The following XDH variants were observed in gnomAD, a reference collection of about 807,000 sequenced individuals.
XDH encodes the protein xanthine dehydrogenase.
XDH carries 138 observed loss-of-function variants against 156.1 expected under a neutral mutation model. The ratio of observed to expected loss-of-function variants is 0.88; its 90% CI spans 0.77 to 1.02. The LOEUF (loss-of-function observed/expected upper bound fraction) is 1.02, where lower values mean the gene tolerates loss of function less well. Ranked by LOEUF, XDH falls within the 50% of genes least tolerant of loss-of-function variation. XDH has a pLI of 0.00. For synonymous variants in XDH, 669 were observed against 625.7 expected, an observed-to-expected ratio of 1.07 and a Z score of -1.03; for missense variants, 1,849 against 1,684.9, an observed-to-expected ratio of 1.10 and a Z score of -1.71.
In XDH at chr2:31,405,927, A is replaced by G; in HGVS notation, c.80T>C (p.Leu27Ser). 1 of 1,614,186 alleles carries G rather than the reference A, an allele frequency of 6.2e-7. No individual in the cohort carries two copies. Among genetic ancestry groups the G allele is most frequent in the East Asian group, 2.2e-5 (1 of 44,886 alleles). ...GATACACTTTCTTCTCAGGTAGGCC[A>G]AAAGGGTTGTCTCTGGATCTGCATT... ...EKNADPETTL[L>S]AYLRRKLGLS... The change falls in exon 2 of 36, where the codon TTG (leucine) becomes TCG (serine). Residue 27 changes from leucine to serine, a missense_variant. By Grantham distance (145) the Leu-to-Ser change is moderately radical (BLOSUM62 -2). Transcript: ENST00000379416.
intron 15 of XDH, among the ~76,000 whole-genome samples, chr2:31,374,577 G>GT (rs1215018576): frequency 6.6e-6 from 1 of 152,166 alleles, no homozygotes; most frequent in Non-Finnish European, 1.5e-5. Flanking sequence ...CTTGGCAGTG[G>GT]TTTTCTCTGG....
intron 13 of XDH, among the ~76,000 whole-genome samples, chr2:31,378,391 T>C (rs917102108): frequency 2.0e-5 from 3 of 152,142 alleles, no homozygotes; most frequent in Non-Finnish European, 2.9e-5. Context: ...TTGAGGTCTG[T>C]ACTCACTCTG....
At chr2:31,378,111 G>A (rs6706829) in intron 13 of XDH, among the ~76,000 whole-genome samples, 6,462 of 38,744 alleles carry the variant, frequency 0.17, 284 homozygotes, top group Middle Eastern at 0.24. Flanking sequence ...AGAAAGAAAG[G>A]AAGGAAGGAA....
At chr2:31,399,516 T>A (rs554590803) in intron 4 of XDH, among the ~76,000 whole-genome samples, 1 of 152,314 alleles carries the variant, frequency 6.6e-6, no homozygotes, top group African/African-American at 2.4e-5. Context: ...TGATTAGGAA[T>A]AAGAACCTGT....
intron 7 of XDH, 107 bp downstream of exon 7, chr2:31,388,120 G>A (rs780739135): frequency 5.3e-5 from 70 of 1,312,234 alleles, no homozygotes; most frequent in East Asian, 1.4e-4. Flanking sequence ...CCGACTCACC[G>A]TAGGTTCCTC....
In XDH at chr2:31,368,022, C is replaced by T. The variant is rs1455092140; in HGVS notation, c.2136G>A (p.Glu712=). The change falls in exon 20 of 36, where the codon GAG becomes GAA. Residue 712 remains glutamate, a synonymous_variant. Transcript: ENST00000379416. ...AIKNNSFYGP[E]LKIEKGDLKK... is the part of the protein sequence containing the mutation. ...TTAGGTCCCCTTTCTCGATCTTCAG[C>T]TCAGGTCCATAAAAGGAGTTGTTCT... The T allele has an allele frequency of 1.2e-6, 2 of 1,614,148 alleles. No homozygotes were observed. The highest frequency in any genetic ancestry group is 1.7e-5 in the Admixed American group (1 of 60,014).
chr2:31,411,520 C>T (rs1687342705), intron 1 of XDH, among the ~76,000 whole-genome samples: 1 of 152,070 alleles, frequency 6.6e-6, no homozygotes, highest in African/African-American at 2.4e-5. Context: ...AAAACATTAA[C>T]AGTTGGTAAA....
At chr2:31,348,025 G>T (rs529329133) in intron 28 of XDH, among the ~76,000 whole-genome samples, 5 of 152,204 alleles carry the variant, frequency 3.3e-5, no homozygotes, top group Admixed American at 3.3e-4. Flanking sequence ...GAGCATGCCC[G>T]CCTCACACAC....
In XDH at chr2:31,337,737, C is replaced by G. The variant is rs776194706; in HGVS notation, c.3855G>C (p.Gln1285His). The change falls in exon 35 of 36, where the codon CAG becomes CAC. Residue 1285 changes from glutamine (Q) to histidine (H), a missense_variant. Physicochemically the swap from Gln to His is conservative, Grantham distance 24. Coordinates refer to ENST00000379416, the MANE Select transcript of XDH (RefSeq NM_000379.4). The stretch of plus-strand genomic sequence containing the variant: ...GTTCCTTCACGTTATTACCTGTGTG[C>G]TGAGCTCGAGCTGCACGGATGGCAT... ...IKDAIRAARA[Q>H]HTGNNVKELF... is the part of the protein sequence containing the mutation. 1.2e-6 allele frequency: 2 copies of G among 1,614,230 alleles called. No homozygotes were observed. The highest frequency in any genetic ancestry group is 2.2e-5 in the South Asian group (2 of 91,090).
At chr2:31,375,032 T>C (rs1686204589) in intron 15 of XDH, among the ~76,000 whole-genome samples, 1 of 143,192 alleles carries the variant, frequency 7.0e-6, no homozygotes, top group Admixed American at 6.9e-5. Flanking sequence ...TCTTTTTTTT[T>C]TTTTTTTTTT....
rs371872842 is a variant in XDH at position 31,414,624 on chromosome 2, C to T, written c.42+1G>A. 3 of 1,613,866 alleles carry T rather than the reference C, an allele frequency of 1.9e-6. No homozygotes were observed. The African/African-American group carries it at 4.0e-5, about 22-fold the overall frequency. ...AAAACCAAAGGTCAGCTCCTACTTA[C>T]CTTTCTGCCATTCACAAAGAAAACC... is the stretch of plus-strand genomic sequence containing the variant. On this transcript the variant is annotated splice_donor_variant, in intron 1 of 35. Transcript: ENST00000379416. LOFTEE classifies it high-confidence loss of function.
chr2:31,368,182 G>A, intron 19 of XDH, 125 bp from the exon 20 acceptor site: 4 of 881,624 alleles, frequency 4.5e-6, no homozygotes, highest in East Asian at 5.0e-5. Context: ...ATCTCTATAT[G>A]CTTCACATAC....
intron 13 of XDH, among the ~76,000 whole-genome samples, chr2:31,378,135 G>GA (rs1686317602): frequency 1.3e-5 from 1 of 75,672 alleles, no homozygotes; most frequent in African/African-American, 5.0e-5. Flanking sequence ...AGGAAGGAAG[G>GA]AAGGAAGGAA....
chr2:31,339,483 T>C lies in XDH; in HGVS notation c.3774+6A>G, dbSNP rs1357871353. On this transcript the variant is annotated splice_donor_region_variant and intron_variant, in intron 34 of 35. Transcript: ENST00000379416. ...AAGAGACAGCACAGAGCCAGAGCAA[T>C]GGTACCTTCGATGCATAGATGGCCT... 3.1e-6 allele frequency: 5 copies of C among 1,613,862 alleles called. No individual in the cohort carries two copies. Among genetic ancestry groups the C allele is most frequent in the Admixed American group, 3.3e-5 (2 of 60,022 alleles).
In XDH at chr2:31,377,180, C is replaced by A; in HGVS notation, c.1300G>T (p.Val434Leu). 2 of 1,614,098 alleles carry A rather than the reference C, an allele frequency of 1.2e-6. No homozygotes were observed. Among genetic ancestry groups the A allele is most frequent in the Non-Finnish European group, 1.7e-6 (2 of 1,180,014 alleles). The change falls in exon 14 of 36, where the codon GTA (valine) becomes TTA (leucine). Residue 434 changes from valine (V) to leucine (L), a missense_variant. Val to Leu is a conservative substitution (Grantham distance 32, BLOSUM62 1). Transcript: ENST00000379416. ...AATAAAACTCTCATGCCACTGGTTA[C>A]CTTGGCAATGTCATCTTCTCTCCGG... The part of the protein sequence containing the change: ...ASRREDDIAK[V>L]TSGMRVLFKP...
intron 22 of XDH, 79 bp downstream of exon 22, chr2:31,365,897 G>T: frequency 6.2e-7 from 1 of 1,606,618 alleles, no homozygotes; most frequent in Non-Finnish European, 8.5e-7. Context: ...ACAGGGGGAA[G>T]TCCTGAAAAC....
intron 3 of XDH, among the ~76,000 whole-genome samples, chr2:31,401,701 C>T (rs548857416): frequency 3.9e-5 from 6 of 152,342 alleles, no homozygotes; most frequent in Non-Finnish European, 7.3e-5. Flanking sequence ...CATGCTCCTG[C>T]CTGCAGGGCT....
chr2:31,375,011 C>CTTTTTTTTT (rs1558693988), intron 15 of XDH, among the ~76,000 whole-genome samples: 1 of 109,902 alleles, frequency 9.1e-6, no homozygotes, highest in African/African-American at 4.8e-5. Flanking sequence ...TTCTTTCTTT[C>CTTTTTTTTT]TTTCTTTCTT....
At chr2:31,363,891 C>T (rs1685840980) in intron 24 of XDH, among the ~76,000 whole-genome samples, 1 of 152,088 alleles carries the variant, frequency 6.6e-6, no homozygotes, top group African/African-American at 2.4e-5. Context: ...ACACACAATG[C>T]CACCACACTA....
Sources: gnomAD v4.1 joint callset for allele counts (sites outside exome capture counted in the v4.1 genomes callset) on GRCh38, gnomAD v4.1.1 for gene constraint, MANE v1.5 for transcripts, NCBI Gene and HGNC (gene_info 2026-07-23, HGNC 2026-07-21) for gene names.